Variants in DNAH9 observed in about 807,000 individuals in gnomAD.
The protein encoded by DNAH9 is dynein axonemal heavy chain 9, also known as DNAH9 variant protein.
Under a neutral mutation model 471.6 loss-of-function variants are expected in DNAH9, and 345 were observed. The observed-to-expected ratio is 0.73, with a 90% CI of 0.67 to 0.80. The LOEUF (loss-of-function observed/expected upper bound fraction) is 0.80. Ranked by LOEUF, DNAH9 falls within the 30% of genes least tolerant of loss-of-function variation. DNAH9 has a pLI of 0.00. For synonymous variants in DNAH9, 2,093 were observed against 2,123.6 expected, an observed-to-expected ratio of 0.99 and a Z score of 0.40; for missense variants, 5,407 against 5,609.2, an observed-to-expected ratio of 0.96 and a Z score of 1.15.
chr17:11,925,055 C>T (rs748661952), intron 62 of DNAH9: 6 of 389,020 alleles, frequency 1.5e-5, no homozygotes, highest in Non-Finnish European at 2.6e-5. Flanking sequence ...GAATGCATAG[C>T]TTGCTCCTCT....
At chr17:11,718,674 T>C (rs1405052010) in intron 26 of DNAH9, among the ~76,000 whole-genome samples, 1 of 152,220 alleles carries the variant, frequency 6.6e-6, no homozygotes, top group Non-Finnish European at 1.5e-5. Flanking sequence ...TTTGAGGGCC[T>C]GTATGTGCCT....
In DNAH9 at chr17:11,883,764, G is replaced by A; in HGVS notation, c.10971+14G>A. The A allele has an allele frequency of 6.2e-7, 1 of 1,611,454 alleles. No homozygotes were observed. Among genetic ancestry groups the A allele is most frequent in the Non-Finnish European group, 8.5e-7 (1 of 1,179,006 alleles). On this transcript the variant is annotated intron_variant, in intron 56 of 68. Coordinates refer to ENST00000262442, the MANE Select transcript of DNAH9 (RefSeq NM_001372.4). Reference sequence around the variant, plus strand: ...GTTGAGAAAAAGGTAAAACTCCTCTGGCTAGTCTGGGAAGGCAGCCTAGGC... The same window carrying A: ...GTTGAGAAAAAGGTAAAACTCCTCTAGCTAGTCTGGGAAGGCAGCCTAGGC...
chr17:11,934,323 G>A (rs1203678563), intron 65 of DNAH9, among the ~76,000 whole-genome samples: 2 of 152,036 alleles, frequency 1.3e-5, no homozygotes, highest in East Asian at 3.9e-4. Context: ...GGAGCCTTTG[G>A]AGATCTTTCG....
intron 7 of DNAH9, 90 bp from the exon 8 acceptor site, chr17:11,632,497 G>C (rs1380785496): frequency 1.4e-6 from 1 of 701,744 alleles, no homozygotes; most frequent in Non-Finnish European, 2.6e-6. Context: ...GGTATAACCA[G>C]TTCAAACACA....
chr17:11,672,717 G>A (rs2073991096), intron 17 of DNAH9, among the ~76,000 whole-genome samples: 2 of 151,672 alleles, frequency 1.3e-5, no homozygotes, highest in Non-Finnish European at 1.5e-5. Flanking sequence ...CTCTTACATC[G>A]TTGACCTCCT....
In DNAH9 at chr17:11,937,457, G is replaced by C. The variant is rs139068809; in HGVS notation, c.12595G>C (p.Val4199Leu). The C allele has an allele frequency of 6.2e-7, 1 of 1,613,846 alleles. No individual in the cohort carries two copies. Among genetic ancestry groups the C allele is most frequent in the Non-Finnish European group, 8.5e-7 (1 of 1,179,900 alleles). Residue 4199 changes from valine (V) to leucine (L), a missense_variant, in exon 66 of 69, where the codon GTG (valine) becomes CTG (leucine). Transcript: ENST00000262442. The surrounding 1 kb of genome is among the most constrained non-coding windows in gnomAD (Gnocchi z 4.1). ...TQTSEKLFRT[V>L]LELQPRDSQA... The stretch of plus-strand genomic sequence containing the variant: ...AACCTCAGAAAAGCTCTTCCGCACT[G>C]TGCTGGAGCTGCAGCCTCGGGACAG...
At chr17:11,747,991 T>G (rs1314425674) in intron 32 of DNAH9, among the ~76,000 whole-genome samples, 1 of 152,034 alleles carries the variant, frequency 6.6e-6, no homozygotes, top group Non-Finnish European at 1.5e-5. Flanking sequence ...TCCAGCTGCC[T>G]TTTAGAGAGT....
At chr17:11,632,494 C>T in intron 7 of DNAH9, 93 bp from the exon 8 acceptor site, 2 of 688,152 alleles carry the variant, frequency 2.9e-6, no homozygotes, top group Non-Finnish European at 5.3e-6. Context: ...TTTGGTATAA[C>T]CAGTTCAAAC....
intron 60 of DNAH9, among the ~76,000 whole-genome samples, chr17:11,903,286 C>T (rs563945585): frequency 2.0e-5 from 3 of 151,810 alleles, no homozygotes; most frequent in East Asian, 2.0e-4. Flanking sequence ...TGCAGTGACC[C>T]GAGATTGCGT....
chr17:11,665,408 G>A (rs2073849250), intron 15 of DNAH9, among the ~76,000 whole-genome samples: 1 of 152,222 alleles, frequency 6.6e-6, no homozygotes, highest in African/African-American at 2.4e-5. Context: ...AGGAGATTGT[G>A]TCCGCCAGGT....
chr17:11,781,063 G>T lies in DNAH9; in HGVS notation c.7607G>T (p.Gly2536Val), dbSNP rs368592408. 5 of 1,614,148 alleles carry T rather than the reference G, an allele frequency of 3.1e-6. No individual in the cohort carries two copies. The African/African-American group carries it at 5.3e-5, about 17-fold the overall frequency. The change falls in exon 39 of 69, where the codon GGG becomes GTG. Residue 2536 changes from glycine (G) to valine (V), a missense_variant. This residue lies in a region of DNAH9 where 4,636 missense variants were observed against 4,900.3 expected (regional missense o/e 0.95). Transcript: ENST00000262442. ...KKAGRNYGPP[G>V]NKKLIYFIDD... The stretch of plus-strand genomic sequence containing the variant: ...GCTGGCAGAAACTATGGCCCTCCAG[G>T]GAACAAGAAACTCATCTATTTCATT...
At chr17:11,606,325 C>T (rs2072501881) in intron 1 of DNAH9, among the ~76,000 whole-genome samples, 1 of 151,984 alleles carries the variant, frequency 6.6e-6, no homozygotes, top group Admixed American at 6.6e-5. Flanking sequence ...TGGTAGCTTC[C>T]TCATCACATT....
At chr17:11,786,561 GA>G (rs1968877482) in intron 41 of DNAH9, among the ~76,000 whole-genome samples, 1 of 152,134 alleles carries the variant, frequency 6.6e-6, no homozygotes, top group Non-Finnish European at 1.5e-5. Flanking sequence ...AACAACCCTA[GA>G]AGGTAAAATA....
intron 29 of DNAH9, among the ~76,000 whole-genome samples, chr17:11,741,276 C>G (rs1032590682): frequency 6.6e-6 from 1 of 152,072 alleles, no homozygotes; most frequent in Non-Finnish European, 1.5e-5. Flanking sequence ...ATTTTAAAAT[C>G]AGATGTTTTT....
At chr17:11,636,484 G>A (rs2073168958) in intron 8 of DNAH9, 150 bp from the exon 9 acceptor site, 1 of 614,068 alleles carries the variant, frequency 1.6e-6, no homozygotes, top group African/African-American at 1.8e-5. Context: ...ATCCACATAT[G>A]AATAATTACA....
rs1970792475 is a variant in DNAH9, at chr17:11,834,802, A to G, written c.9411A>G (p.Leu3137=). Residue 3137 remains leucine, a synonymous_variant, in exon 49 of 69, where the codon CTA becomes CTG. Coordinates refer to ENST00000262442, the MANE Select transcript of DNAH9 (RefSeq NM_001372.4). ...EEEQKVAVIM[L]EVKQKQKDCE... Reference sequence around the variant, plus strand: ...AGCAGAAGGTGGCCGTCATCATGCTAGAGGTGAAACAGAAGCAGAAGGACT... The same window carrying G: ...AGCAGAAGGTGGCCGTCATCATGCTGGAGGTGAAACAGAAGCAGAAGGACT... 1 of 1,614,126 alleles carries G rather than the reference A, an allele frequency of 6.2e-7. No individual in the cohort carries two copies. Among genetic ancestry groups the G allele is most frequent in the Non-Finnish European group, 8.5e-7 (1 of 1,180,032 alleles).
At chr17:11,840,750 C>T (rs907850996) in intron 49 of DNAH9, among the ~76,000 whole-genome samples, 3 of 152,042 alleles carry the variant, frequency 2.0e-5, no homozygotes, top group African/African-American at 7.2e-5. Flanking sequence ...AAGGAAGTGA[C>T]GTGATGACAG....
chr17:11,664,799 A>G, intron 14 of DNAH9, 34 bp from the exon 15 acceptor site: 1 of 1,587,426 alleles, frequency 6.3e-7, no homozygotes, highest in Non-Finnish European at 8.6e-7. Flanking sequence ...ATGCTATTAA[A>G]CGAGGTTTAT....
chr17:11,865,751 T>C (rs1972027667), intron 50 of DNAH9, among the ~76,000 whole-genome samples: 1 of 152,158 alleles, frequency 6.6e-6, no homozygotes, highest in Non-Finnish European at 1.5e-5. Flanking sequence ...ACTTCCGTTC[T>C]CACTTCATTT....
Sources: gnomAD v4.1 joint callset for allele counts (sites outside exome capture counted in the v4.1 genomes callset) on GRCh38, gnomAD v4.1.1 for gene constraint, gnomAD v4.1.1 regional missense constraint, Gnocchi (gnomAD v3.1) non-coding constraint, MANE v1.5 for transcripts, NCBI Gene and HGNC (gene_info 2026-07-23, HGNC 2026-07-21) for gene names.